The following ZNF714 variants were observed in gnomAD, a reference collection of about 807,000 sequenced individuals.
The protein encoded by ZNF714 is zinc finger protein 714.
A neutral mutation model predicts 46.2 loss-of-function variants in ZNF714; 32 were observed. The ratio of observed to expected loss-of-function variants is 0.69; its 90% CI spans 0.52 to 0.93. The LOEUF is 0.93. Ranked by LOEUF, ZNF714 falls within the 40% of genes least tolerant of loss-of-function variation. ZNF714 has a pLI of 0.00. For synonymous variants in ZNF714, 199 were observed against 213.1 expected, an observed-to-expected ratio of 0.93 and a Z score of 0.58; for missense variants, 635 against 646.3, an observed-to-expected ratio of 0.98 and a Z score of 0.19.
chr19:21,093,229 GTTTAA>G (rs2144833201), intron 2 of ZNF714, among the ~76,000 whole-genome samples: 1 of 150,298 alleles, frequency 6.7e-6, no homozygotes, highest in African/African-American at 2.4e-5. Context: ...TCTTGTTTTT[GTTTAA>G]TTTATTTATT....
chr19:21,086,794 T>A (rs967996287), intron 2 of ZNF714, among the ~76,000 whole-genome samples: 2 of 152,068 alleles, frequency 1.3e-5, no homozygotes, highest in Non-Finnish European at 2.9e-5. Flanking sequence ...CTCTGACATC[T>A]CCCCCTTCTT....
chr19:21,112,815 G>GATTTTTTTTTTT (rs1969481076), intron 4 of ZNF714, among the ~76,000 whole-genome samples: 1 of 41,700 alleles, frequency 2.4e-5, no homozygotes, highest in Non-Finnish European at 5.6e-5. Context: ...TTTTATTTCT[G>GATTTTTTTTTTT]ATTTTTTTTT....
intron 4 of ZNF714, among the ~76,000 whole-genome samples, chr19:21,106,693 C>T (rs1969325656): frequency 6.6e-6 from 1 of 152,062 alleles, no homozygotes; most frequent in South Asian, 2.1e-4. Flanking sequence ...GTTGTGTGCT[C>T]GTGGCAACCT....
At chr19:21,115,909 T>C (rs1175089470) in intron 4 of ZNF714, among the ~76,000 whole-genome samples, 1 of 151,664 alleles carries the variant, frequency 6.6e-6, no homozygotes, top group Non-Finnish European at 1.5e-5. Flanking sequence ...TAGTTCTCTG[T>C]ATTCCTATTT....
At position 21,100,097 on chromosome 19, in the gene ZNF714, G is replaced by A. The variant is rs1163447699; in HGVS notation, c.142+1187G>A. 4.6e-5 allele frequency among the ~76,000 whole-genome samples: 7 copies of A among 152,078 alleles called. No individual in the cohort carries two copies. In the East Asian group the frequency reaches 7.8e-4, roughly 17 times the overall value. On this transcript the variant is annotated intron_variant, in intron 4 of 4. Transcript: ENST00000456283. Reference sequence around the variant, plus strand: ...TCTCGATCTCCTGACCTTGTGATCCGCCCACCTTGGCCTCCCAAAGTGCTG... The same window carrying A: ...TCTCGATCTCCTGACCTTGTGATCCACCCACCTTGGCCTCCCAAAGTGCTG...
rs1433157409 is a variant in ZNF714 at position 21,123,403 on chromosome 19, A to G, written c.*5071A>G. 6.6e-6 allele frequency among the ~76,000 whole-genome samples: 1 copy of G among 151,998 alleles called. No homozygotes were observed. The highest frequency in any genetic ancestry group is 2.4e-5 in the African/African-American group (1 of 41,382). ...AGAGTCTTGCTCTGTCTCCCAGGCT[A>G]GAGTACAGTGGTGTGATCTTGGCTC... On this transcript the variant is annotated 3_prime_UTR_variant, in exon 5 of 5. Coordinates refer to ENST00000456283, the MANE Select transcript of ZNF714 (RefSeq NM_182515.4).
At chr19:21,109,213 C>CT (rs1969390877) in intron 4 of ZNF714, among the ~76,000 whole-genome samples, 1 of 151,890 alleles carries the variant, frequency 6.6e-6, no homozygotes, top group Non-Finnish European at 1.5e-5. Flanking sequence ...CTTATTTTTT[C>CT]TTTTTATAAA....
chr19:21,098,923 G>A lies in ZNF714; in HGVS notation c.142+13G>A. The A allele has an allele frequency of 7.2e-7, 1 of 1,393,896 alleles. No homozygotes were observed. The highest frequency in any genetic ancestry group is 1.0e-6 in the Non-Finnish European group (1 of 1,000,414). The allele number at this position is 1,393,896 out of a possible 1,614,324, so 86.3% of individuals were successfully genotyped here. A position where few individuals can be genotyped will look rare whatever the true frequency, so the allele number is the denominator to read the frequency against. On this transcript the variant is annotated intron_variant, in intron 4 of 4. Coordinates refer to ENST00000456283, the MANE Select transcript of ZNF714 (RefSeq NM_182515.4). The stretch of plus-strand genomic sequence containing the variant: ...GATGAATCCCCAGGTAGGTGAGAGT[G>A]AACACAACAGATGACACAGATGAGA...
intron 4 of ZNF714, among the ~76,000 whole-genome samples, chr19:21,099,613 T>C (rs968985921): frequency 6.6e-6 from 1 of 152,118 alleles, no homozygotes; most frequent in African/African-American, 2.4e-5. Flanking sequence ...TTTATTACTA[T>C]AGTCTTAAAA....
intron 2 of ZNF714, among the ~76,000 whole-genome samples, chr19:21,084,581 T>C (rs1968731397): frequency 6.6e-6 from 1 of 152,224 alleles, no homozygotes; most frequent in Non-Finnish European, 1.5e-5. Context: ...CACACACATC[T>C]GTTATTTAAC....
chr19:21,112,816 AT>A (rs74172391), intron 4 of ZNF714, among the ~76,000 whole-genome samples: 2,022 of 43,140 alleles, frequency 0.047, 32 homozygotes, highest in African/African-American at 0.15. Context: ...TTTATTTCTG[AT>A]TTTTTTTTTT....
At chr19:21,104,548 G>A (rs201399587) in intron 4 of ZNF714, among the ~76,000 whole-genome samples, 2 of 13,566 alleles carry the variant, frequency 1.5e-4, no homozygotes, top group East Asian at 0.01. Context: ...TTTAAAAAAA[G>A]GTATAGTGGC....
In ZNF714 at chr19:21,118,148, C is replaced by T. The variant is rs758242139; in HGVS notation, c.1484C>T (p.Thr495Ile). ...GGTAAAGCCTTTAACCAATCCTCAACTCTTACTAAACATAGGAAAATTCAG... is the reference window on the plus strand; with the variant it reads ...GGTAAAGCCTTTAACCAATCCTCAATTCTTACTAAACATAGGAAAATTCAG... ...ECGKAFNQSS[T>I]LTKHRKIQQG... The change falls in exon 5 of 5, where the codon ACT (threonine) becomes ATT (isoleucine). Residue 495 changes from threonine to isoleucine, a missense_variant. By Grantham distance (89) the Thr-to-Ile change is moderately conservative. Transcript: ENST00000456283. The T allele has an allele frequency of 5.6e-6, 9 of 1,613,500 alleles. No homozygotes were observed. Among genetic ancestry groups the T allele is most frequent in the Non-Finnish European group, 6.8e-6 (8 of 1,179,676 alleles).
At chr19:21,098,737 CT>C in intron 3 of ZNF714, 74 bp from the exon 4 acceptor site, 1 of 914,322 alleles carries the variant, frequency 1.1e-6, no homozygotes, top group Non-Finnish European at 1.6e-6. Context: ...CTATTATATC[CT>C]TTTTACTGAG....
chr19:21,099,736 C>A (rs962592724), intron 4 of ZNF714, among the ~76,000 whole-genome samples: 2 of 151,722 alleles, frequency 1.3e-5, no homozygotes, highest in South Asian at 4.2e-4. Flanking sequence ...ATTTTAGAAT[C>A]GTATTTTCTA....
chr19:21,090,268 G>A (rs556207145), intron 2 of ZNF714, among the ~76,000 whole-genome samples: 3 of 152,308 alleles, frequency 2.0e-5, no homozygotes, highest in South Asian at 4.1e-4. Context: ...AGCTCAGGGG[G>A]CCAGAGAAAG....
rs202078277 is a variant in ZNF714 at position 21,117,251 on chromosome 19, C to T, written c.587C>T (p.Thr196Ile). 83 of 1,613,998 alleles carry T rather than the reference C, an allele frequency of 5.1e-5. 1 individual carries two copies. The East Asian group carries it at 1.3e-3, about 26-fold the overall frequency. Residue 196 changes from threonine to isoleucine, a missense_variant, in exon 5 of 5, where the codon ACT becomes ATT. By Grantham distance (89) the Thr-to-Ile change is moderately conservative. Coordinates refer to ENST00000456283, the MANE Select transcript of ZNF714 (RefSeq NM_182515.4). ...STLTRHKRVH[T>I]GEKPFKCEEC... is the part of the protein sequence containing the mutation. The stretch of plus-strand genomic sequence containing the variant: ...CTTACTAGACACAAGAGAGTTCATA[C>T]TGGAGAGAAACCCTTCAAATGTGAA...
intron 1 of ZNF714, among the ~76,000 whole-genome samples, chr19:21,082,830 G>A (rs1318900265): frequency 6.6e-6 from 1 of 152,168 alleles, no homozygotes; most frequent in African/African-American, 2.4e-5. Flanking sequence ...GTTTATGGGC[G>A]GGGCTTGAAG....
In ZNF714 at chr19:21,124,827, A is replaced by G. The variant is rs1241396715; in HGVS notation, c.*6495A>G. The G allele has an allele frequency of 6.6e-6, 1 of 152,106 alleles. No homozygotes were observed. Among genetic ancestry groups the G allele is most frequent in the Non-Finnish European group, 1.5e-5 (1 of 68,014 alleles). 9.4% of individuals were successfully genotyped at this position (152,106 alleles called of 1,614,324 possible). A position where few individuals can be genotyped will look rare whatever the true frequency, so the allele number is the denominator to read the frequency against. Reference sequence around the variant, plus strand: ...CATCAATGGGATTAAGATTTTTGGAATCCATGTATAGGTGAAATCATGAAA... The same window carrying G: ...CATCAATGGGATTAAGATTTTTGGAGTCCATGTATAGGTGAAATCATGAAA... On this transcript the variant is annotated 3_prime_UTR_variant, in exon 5 of 5. Transcript: ENST00000456283.
Sources: allele counts gnomAD v4.1 joint callset (sites outside exome capture counted in the v4.1 genomes callset), GRCh38; gene constraint gnomAD v4.1.1; transcripts MANE v1.5; gene names NCBI Gene and HGNC (gene_info 2026-07-23, HGNC 2026-07-21).